ABHD2: variants seen among roughly 807,000 people sequenced by gnomAD.
The protein encoded by ABHD2 is abhydrolase domain containing 2, acylglycerol lipase.
In ABHD2, 20 loss-of-function variants were observed where a neutral mutation model predicts 48.1. The observed-to-expected ratio is 0.42, with a 90% confidence interval of 0.29 to 0.60. The LOEUF (loss-of-function observed/expected upper bound fraction) is 0.60. ABHD2 is among the 20% of genes least tolerant of loss of function. The pLI is 0.24. For missense variants in ABHD2, 405 were observed against 550.9 expected, an observed-to-expected ratio of 0.74 and a Z score of 2.65; for synonymous variants, 209 against 214.2, an observed-to-expected ratio of 0.98 and a Z score of 0.21.
At chr15:89,149,214 A>AACACACACACACACAC (rs35689320) in intron 3 of ABHD2, among the ~76,000 whole-genome samples, 8 of 148,238 alleles carry the variant, frequency 5.4e-5, no homozygotes, top group African/African-American at 1.2e-4. Context: ...ATTGATCCCT[A>AACACACACACACACAC]ACACACACAC....
chr15:89,042,594 A>T, the ABHD2 span, among the ~76,000 whole-genome samples: 10 of 70,146 alleles, frequency 1.4e-4, no homozygotes, highest in African/African-American at 6.6e-4. Flanking sequence ...TTTCTTATTT[A>T]TTTATTTATT....
chr15:89,075,049 A>G, the ABHD2 span, among the ~76,000 whole-genome samples: 41 of 152,186 alleles, frequency 2.7e-4, no homozygotes, highest in Non-Finnish European at 5.4e-4. This position sits in a 1 kb window ranked among gnomAD's most constrained non-coding sequence, Gnocchi z 4.1. Context: ...GGCCAAACCC[A>G]GAGGCCTTTT....
In ABHD2 at chr15:89,201,293, G is replaced by T. The variant is rs929993217; in HGVS notation, c.*5870G>T. On this transcript the variant is annotated 3_prime_UTR_variant, in exon 11 of 11. Transcript: ENST00000352732. ...TCCCTGAAGTCTTTTACACTCTTCT[G>T]TTAGTTTCCTTGTTTCAGTATCATG... 7.8e-5 allele frequency: 89 copies of T among 1,147,354 alleles called. No individual in the cohort carries two copies. The Middle Eastern group carries it at 9.7e-4, about 13-fold the overall frequency. 71.1% of individuals were successfully genotyped at this position (1,147,354 alleles called of 1,614,324 possible).
Position 89,189,459 on chromosome 15 carries a change from C to T in ABHD2, c.926+1156C>T, listed in dbSNP as rs1053422912. Among the ~76,000 whole-genome samples, 1 of 151,878 alleles carries T rather than the reference C, an allele frequency of 6.6e-6. No homozygotes were observed. The highest frequency in any genetic ancestry group is 2.1e-4 in the South Asian group (1 of 4,814). ...AGTGAGCTATGGTCCCAACACTGCA[C>T]TGGAGCCCAGCCTGGGCAACAGAGC... On this transcript the variant is annotated intron_variant, in intron 8 of 10. Transcript: ENST00000352732. The surrounding 1 kb of genome is among the most constrained non-coding windows in gnomAD (Gnocchi z 4.9).
rs750539635 is a variant in ABHD2 at position 89,146,999 on chromosome 15, C to T, written c.195-4678C>T. 1.3e-4 allele frequency among the ~76,000 whole-genome samples: 20 copies of T among 152,112 alleles called. No individual in the cohort carries two copies. Among genetic ancestry groups the T allele is most frequent in the African/African-American group, 2.2e-4 (9 of 41,402 alleles). Reference sequence around the variant, plus strand: ...TTTGAAAAATAACAAAGGCAGCCTGCGCTATCAACTATCAAAGTATCTCAT... The same window carrying T: ...TTTGAAAAATAACAAAGGCAGCCTGTGCTATCAACTATCAAAGTATCTCAT... On this transcript the variant is annotated intron_variant, in intron 3 of 10. Coordinates refer to ENST00000352732, the MANE Select transcript of ABHD2 (RefSeq NM_152924.5). The surrounding 1 kb of genome is among the most constrained non-coding windows in gnomAD (Gnocchi z 4.2).
intron 3 of ABHD2, among the ~76,000 whole-genome samples, chr15:89,140,029 C>T (rs532085623): frequency 1.3e-5 from 2 of 152,188 alleles, no homozygotes; most frequent in Admixed American, 1.3e-4. Context: ...TGATGTAACA[C>T]CTCTGCGTTT....
In ABHD2 at chr15:89,191,164, C is replaced by T. The variant is rs147115547; in HGVS notation, c.996+15C>T. 2.6e-3 allele frequency: 4,260 copies of T among 1,613,394 alleles called. 96 individuals are homozygous for T. In the African/African-American group the frequency reaches 0.05, roughly 19 times the overall value. ...ACCTGCACAGGGTGAGTGGCCATCA[C>T]GGGCTCAGAATCAGCATCACTCCAC... On this transcript the variant is annotated intron_variant, in intron 9 of 10. Transcript: ENST00000352732.
the ABHD2 span, among the ~76,000 whole-genome samples, chr15:89,081,149 G>A: frequency 4.1e-5 from 6 of 146,374 alleles, no homozygotes; most frequent in Admixed American, 4.1e-4. Flanking sequence ...ACAGGAGCAC[G>A]CCACCATGCC....
At chr15:89,142,917 T>A (rs2050428669) in intron 3 of ABHD2, among the ~76,000 whole-genome samples, 2 of 152,180 alleles carry the variant, frequency 1.3e-5, no homozygotes, top group African/African-American at 2.4e-5. Flanking sequence ...AATATTTTCA[T>A]CAGAGTTAGG....
rs1365735679 is a variant in ABHD2 at position 89,120,372 on chromosome 15, CTAGA to C, written c.194+3855_194+3858del. Among the ~76,000 whole-genome samples, 1 of 152,084 alleles carries C rather than the reference CTAGA, an allele frequency of 6.6e-6. No homozygotes were observed. Among genetic ancestry groups the C allele is most frequent in the African/African-American group, 2.4e-5 (1 of 41,394 alleles). On this transcript the variant is annotated intron_variant, in intron 3 of 10. Transcript: ENST00000352732. The surrounding 1 kb of genome is among the most constrained non-coding windows in gnomAD (Gnocchi z 4.2). Reference sequence around the variant, plus strand: ...CCCAGTTCGGAATTATGACAAAAATCTAGATAGTCATACAAATCTTTTTTTTTCA... The same window carrying C: ...CCCAGTTCGGAATTATGACAAAAATCTAGTCATACAAATCTTTTTTTTTCA...
chr15:89,183,004 A>AT (rs2150939673), intron 6 of ABHD2, among the ~76,000 whole-genome samples: 1 of 152,264 alleles, frequency 6.6e-6, no homozygotes, highest in Non-Finnish European at 1.5e-5. Flanking sequence ...CAGAAACTAC[A>AT]TTCTTTTAAA....
In ABHD2 at chr15:89,201,118, A is replaced by C; in HGVS notation, c.*5695A>C. On this transcript the variant is annotated 3_prime_UTR_variant, in exon 11 of 11. Transcript: ENST00000352732. ...AAAGGAATCCAGTGAAAATGGCTGC[A>C]ATTACAACAAGAAGTGAAGGAAGAA... 9.1e-7 allele frequency: 1 copy of C among 1,098,494 alleles called. No individual in the cohort carries two copies. The highest frequency in any genetic ancestry group is 1.2e-5 in the South Asian group (1 of 80,228). 68.0% of individuals were successfully genotyped at this position (1,098,494 alleles called of 1,614,324 possible). A position where few individuals can be genotyped will look rare whatever the true frequency, so the allele number is the denominator to read the frequency against.
chr15:89,132,564 C>G (rs1342497796), intron 3 of ABHD2, among the ~76,000 whole-genome samples: 1 of 152,076 alleles, frequency 6.6e-6, no homozygotes, highest in Non-Finnish European at 1.5e-5. Context: ...TTTTGCAAGG[C>G]TTGTGAGGAT....
chr15:89,048,167 T>G, the ABHD2 span, among the ~76,000 whole-genome samples: 2 of 150,472 alleles, frequency 1.3e-5, no homozygotes, highest in African/African-American at 4.9e-5. Context: ...AAGCTTAGTT[T>G]GGCTGGATAT....
intron 3 of ABHD2, among the ~76,000 whole-genome samples, chr15:89,133,090 A>C (rs1402853698): frequency 6.6e-6 from 1 of 152,146 alleles, no homozygotes; most frequent in African/African-American, 2.4e-5. Flanking sequence ...TGCATTTCCC[A>C]GAGGTTCTTT....
rs1318126336 is a variant in ABHD2 at position 89,201,553 on chromosome 15, C to G, written c.*6130C>G. The G allele has an allele frequency of 6.3e-7, 1 of 1,596,640 alleles. No homozygotes were observed. Among genetic ancestry groups the G allele is most frequent in the African/African-American group, 1.3e-5 (1 of 74,696 alleles). ...TTACTCTTTTCATTCGGATCATAGT[C>G]AAAGGGCTGTAGCATTACTGAAACA... On this transcript the variant is annotated 3_prime_UTR_variant, in exon 11 of 11. Transcript: ENST00000352732.
chr15:89,051,947 A>G, the ABHD2 span, among the ~76,000 whole-genome samples: 1 of 152,182 alleles, frequency 6.6e-6, no homozygotes, highest in Non-Finnish European at 1.5e-5. Context: ...ACTCGTGAGA[A>G]GCTATTGGTA....
chr15:89,118,224 C>T (rs1029999702), intron 3 of ABHD2, among the ~76,000 whole-genome samples: 1 of 151,752 alleles, frequency 6.6e-6, no homozygotes, highest in Non-Finnish European at 1.5e-5. Flanking sequence ...CACTCTGTCA[C>T]CCGGGCTGGA....
At chr15:89,053,070 C>T in the ABHD2 span, among the ~76,000 whole-genome samples, 28,107 of 151,232 alleles carry the variant, frequency 0.19, 2,724 homozygotes, top group Non-Finnish European at 0.2. Flanking sequence ...CGGGTTCAAG[C>T]GATTCTCCTG....
Sources: allele counts gnomAD v4.1 joint callset (sites outside exome capture counted in the v4.1 genomes callset), GRCh38; gene constraint gnomAD v4.1.1; non-coding constraint Gnocchi (gnomAD v3.1); transcripts MANE v1.5; gene names NCBI Gene and HGNC (gene_info 2026-07-23, HGNC 2026-07-21).